Variants in KIAA1217 observed in about 807,000 individuals in gnomAD.
KIAA1217 encodes sickle tail protein homolog.
KIAA1217 carries 88 observed loss-of-function variants against 163.9 expected under a neutral mutation model. The ratio of observed to expected loss-of-function variants is 0.54; its 90% CI spans 0.45 to 0.64. The LOEUF (loss-of-function observed/expected upper bound fraction) is 0.64. Among genes scored for constraint, KIAA1217 ranks in the 30% least tolerant of loss-of-function variants. KIAA1217 has a pLI of 0.00. For missense variants in KIAA1217, 2,372 were observed against 2,475.0 expected, an observed-to-expected ratio of 0.96 and a Z score of 0.88; for synonymous variants, 903 against 923.1, an observed-to-expected ratio of 0.98 and a Z score of 0.39.
chr10:23,875,781 G>T (rs999062300), intron 1 of KIAA1217, among the ~76,000 whole-genome samples: 1 of 151,954 alleles, frequency 6.6e-6, no homozygotes, highest in African/African-American at 2.4e-5. Context: ...AAAAAATGAT[G>T]AGTTCATGTC....
intron 2 of KIAA1217, among the ~76,000 whole-genome samples, chr10:24,094,347 C>T (rs2062063170): frequency 6.6e-6 from 1 of 152,114 alleles, no homozygotes; most frequent in South Asian, 2.1e-4. Context: ...CTGTTTTTTC[C>T]CCATCTTTGT....
chr10:24,511,617 A>G (rs1183449012), intron 9 of KIAA1217, among the ~76,000 whole-genome samples: 1 of 152,188 alleles, frequency 6.6e-6, no homozygotes, highest in African/African-American at 2.4e-5. Flanking sequence ...ATTGCACTCC[A>G]GCCTGGGCAA....
upstream of KIAA1217, among the ~76,000 whole-genome samples, chr10:24,207,597 T>C (rs796212982): frequency 3.9e-5 from 6 of 152,368 alleles, no homozygotes; most frequent in African/African-American, 1.4e-4. Flanking sequence ...CCTTAAGTTA[T>C]CTGCCCTGCA....
intron 1 of KIAA1217, among the ~76,000 whole-genome samples, chr10:23,796,604 C>G (rs1468827490): frequency 1.3e-5 from 2 of 151,964 alleles, no homozygotes; most frequent in Non-Finnish European, 2.9e-5. Context: ...TTCAGGTGAT[C>G]CACCCATCTC....
intron 1 of KIAA1217, among the ~76,000 whole-genome samples, chr10:23,847,895 C>T (rs1346110768): frequency 1.3e-5 from 2 of 151,960 alleles, no homozygotes; most frequent in African/African-American, 4.8e-5. Flanking sequence ...TAAGTGTGTC[C>T]CAGAGATTCT....
intron 3 of KIAA1217, among the ~76,000 whole-genome samples, chr10:24,414,511 T>G (rs17513788): frequency 0.07 from 10,630 of 152,266 alleles, 447 homozygotes; most frequent in Non-Finnish European, 0.095. Context: ...TGATTGCTTT[T>G]TTCCCAGTGC....
At chr10:23,730,701 G>T (rs1350333255) in intron 1 of KIAA1217, among the ~76,000 whole-genome samples, 1 of 151,928 alleles carries the variant, frequency 6.6e-6, no homozygotes, top group African/African-American at 2.4e-5. Context: ...CATAGATCTT[G>T]TATATATTTT....
intron 2 of KIAA1217, among the ~76,000 whole-genome samples, chr10:24,265,955 A>G (rs2076194153): frequency 6.6e-6 from 1 of 152,182 alleles, no homozygotes; most frequent in Non-Finnish European, 1.5e-5. Flanking sequence ...TTTCCCTTTA[A>G]AGGAAAGGAA....
chr10:24,163,411 A>G (rs2065206879), intron 2 of KIAA1217, among the ~76,000 whole-genome samples: 3 of 152,208 alleles, frequency 2.0e-5, no homozygotes, highest in South Asian at 2.1e-4. Context: ...CTTCATTCAT[A>G]TATCTTAATT....
At chr10:23,805,574 A>G (rs1259924211) in intron 1 of KIAA1217, among the ~76,000 whole-genome samples, 1 of 152,126 alleles carries the variant, frequency 6.6e-6, no homozygotes, top group African/African-American at 2.4e-5. Context: ...ACAAATGGAT[A>G]CTAGGCTTAA....
intron 2 of KIAA1217, among the ~76,000 whole-genome samples, chr10:24,113,060 C>T (rs973881602): frequency 6.6e-6 from 1 of 152,134 alleles, no homozygotes; most frequent in African/African-American, 2.4e-5. Context: ...CCTACCATGA[C>T]ACACCCTGAT....
At chr10:24,481,120 A>G (rs2064629385) in intron 6 of KIAA1217, 1 of 152,174 alleles carries the variant, frequency 6.6e-6, no homozygotes, top group Non-Finnish European at 1.5e-5. Flanking sequence ...GGATCAATAA[A>G]TGTTTATTGA....
chr10:24,366,674 C>A (rs2050827523), intron 2 of KIAA1217, among the ~76,000 whole-genome samples: 1 of 152,188 alleles, frequency 6.6e-6, no homozygotes, highest in Non-Finnish European at 1.5e-5. Context: ...ACTGCACTCA[C>A]AGGCCTGCTT....
At chr10:24,412,269 T>G (rs2057853975) in intron 3 of KIAA1217, among the ~76,000 whole-genome samples, 1 of 152,202 alleles carries the variant, frequency 6.6e-6, no homozygotes, top group Non-Finnish European at 1.5e-5. Context: ...GACTTGCTTG[T>G]CAGTCTTCAG....
chr10:24,401,270 A>G (rs1253080158), intron 3 of KIAA1217, among the ~76,000 whole-genome samples: 1 of 151,932 alleles, frequency 6.6e-6, no homozygotes, highest in Non-Finnish European at 1.5e-5. Flanking sequence ...GATAAACAAG[A>G]TTAGGAGTAT....
intron 5 of KIAA1217, among the ~76,000 whole-genome samples, chr10:24,465,577 C>T (rs1019119022): frequency 6.6e-6 from 1 of 152,242 alleles, no homozygotes; most frequent in Non-Finnish European, 1.5e-5. Flanking sequence ...CGTATTCCCA[C>T]TTGGATAGCT....
intron 2 of KIAA1217, among the ~76,000 whole-genome samples, chr10:24,116,402 C>G (rs1363645596): frequency 2.6e-5 from 4 of 152,086 alleles, no homozygotes; most frequent in African/African-American, 9.7e-5. Context: ...ACCATGCAGT[C>G]TCTGTCGTAA....
intron 1 of KIAA1217, among the ~76,000 whole-genome samples, chr10:23,976,073 G>C (rs552057204): frequency 3.3e-4 from 50 of 152,210 alleles, no homozygotes; most frequent in African/African-American, 1.2e-3. Flanking sequence ...AAACGAAATA[G>C]GACCCCACAG....
chr10:24,273,516 A>G (rs760597670), intron 2 of KIAA1217, among the ~76,000 whole-genome samples: 7 of 152,048 alleles, frequency 4.6e-5, no homozygotes, highest in Non-Finnish European at 8.8e-5. Context: ...CCCTTGGCTT[A>G]CCTCTATGCA....
Sources: gnomAD v4.1 joint callset for allele counts (sites outside exome capture counted in the v4.1 genomes callset) on GRCh38, gnomAD v4.1.1 for gene constraint, MANE v1.5 for transcripts, NCBI Gene and HGNC (gene_info 2026-07-23, HGNC 2026-07-21) for gene names.